The following FIRRM variants were observed in gnomAD, a reference collection of about 807,000 sequenced individuals.
FIRRM encodes FIGNL1 interacting regulator of recombination and mitosis, also known as FIGNL1-interacting regulator of recombination and mitosis.
At chr1:169,806,668 TC>T in the FIRRM span, among the ~76,000 whole-genome samples, 1 of 152,214 alleles carries the variant, frequency 6.6e-6, no homozygotes, top group African/African-American at 2.4e-5. Flanking sequence ...CAGTGTATTT[TC>T]AGGTCTTAGG....
the FIRRM span, chr1:169,807,914 A>G: frequency 6.2e-7 from 1 of 1,605,462 alleles, no homozygotes; most frequent in Non-Finnish European, 8.5e-7. Flanking sequence ...AGCAGATGAC[A>G]CAGTCAGATG....
the FIRRM span, among the ~76,000 whole-genome samples, chr1:169,801,181 G>T: frequency 1.3e-5 from 2 of 152,088 alleles, no homozygotes; most frequent in Non-Finnish European, 2.9e-5. Flanking sequence ...GGTGGCTCAT[G>T]CCTGTAATCC....
the FIRRM span, among the ~76,000 whole-genome samples, chr1:169,811,139 C>T: frequency 2.6e-5 from 4 of 152,126 alleles, no homozygotes; most frequent in South Asian, 2.1e-4. Context: ...GGATTACAGG[C>T]GTGAGCCACC....
chr1:169,796,389 C>G, the FIRRM span, among the ~76,000 whole-genome samples: 5 of 152,228 alleles, frequency 3.3e-5, no homozygotes, highest in Admixed American at 6.5e-5. Context: ...AGTTGAAAGT[C>G]AACATTCCCA....
the FIRRM span, among the ~76,000 whole-genome samples, chr1:169,811,776 A>ATAGATAATAGATTATCTAG: frequency 6.4e-3 from 916 of 142,622 alleles, 13 homozygotes; most frequent in Middle Eastern, 0.011. Flanking sequence ...AGATTATCTA[A>ATAGATAATAGATTATCTAG]ATAGATAATA....
chr1:169,832,344 C>A, the FIRRM span: 1 of 980,316 alleles, frequency 1.0e-6, no homozygotes, highest in Non-Finnish European at 1.6e-6. Context: ...AATATTTTGG[C>A]ATATTCTCTT....
chr1:169,799,938 C>A, the FIRRM span, among the ~76,000 whole-genome samples: 1 of 152,164 alleles, frequency 6.6e-6, no homozygotes, highest in Admixed American at 6.5e-5. Flanking sequence ...TAGCTCACTG[C>A]AGCCTGAACT....
the FIRRM span, chr1:169,803,442 C>A: frequency 1.1e-6 from 1 of 926,958 alleles, no homozygotes; most frequent in Non-Finnish European, 1.5e-6. Flanking sequence ...GAATAAAGAA[C>A]ATGTAAGTAA....
chr1:169,852,880 G>A, the FIRRM span: 1 of 1,614,148 alleles, frequency 6.2e-7, no homozygotes, highest in Non-Finnish European at 8.5e-7. Flanking sequence ...GGAAGCAACT[G>A]AGTCACTACT....
chr1:169,853,788 G>A, the FIRRM span: 26 of 1,613,342 alleles, frequency 1.6e-5, no homozygotes, highest in Admixed American at 3.2e-4. Flanking sequence ...ACAAAATAAA[G>A]CACACCAAGA....
At chr1:169,797,551 T>G in the FIRRM span, among the ~76,000 whole-genome samples, 1 of 152,190 alleles carries the variant, frequency 6.6e-6, no homozygotes, top group Non-Finnish European at 1.5e-5. Flanking sequence ...TATGGGTTTT[T>G]TTTTGTTTGT....
chr1:169,796,426 T>G, the FIRRM span, among the ~76,000 whole-genome samples: 1 of 152,240 alleles, frequency 6.6e-6, no homozygotes, highest in Non-Finnish European at 1.5e-5. Context: ...AAACGACATA[T>G]TCAAAAAAGC....
the FIRRM span, among the ~76,000 whole-genome samples, chr1:169,797,257 A>G: frequency 6.6e-6 from 1 of 152,180 alleles, no homozygotes; most frequent in Non-Finnish European, 1.5e-5. Flanking sequence ...ATTTTAACAA[A>G]TGAAAAATTT....
chr1:169,793,830 G>A, the FIRRM span: 3 of 678,836 alleles, frequency 4.4e-6, no homozygotes, highest in Non-Finnish European at 6.9e-6. Flanking sequence ...GCTTATACAT[G>A]GTAACAAATA....
chr1:169,833,347 C>T, the FIRRM span, among the ~76,000 whole-genome samples: 2 of 152,022 alleles, frequency 1.3e-5, no homozygotes, highest in East Asian at 1.9e-4. Context: ...TAAGTTCCTG[C>T]GTGAGTCAGA....
chr1:169,792,659 AC>A, the FIRRM span: 1 of 1,611,506 alleles, frequency 6.2e-7, no homozygotes, highest in Non-Finnish European at 8.5e-7. Context: ...GGTCTTAAAA[AC>A]ATCTCTTTCT....
the FIRRM span, among the ~76,000 whole-genome samples, chr1:169,794,207 C>CT: frequency 6.6e-6 from 1 of 152,224 alleles, no homozygotes; most frequent in Non-Finnish European, 1.5e-5. Flanking sequence ...TAGCTACTTG[C>CT]TGTCTTTCAG....
At chr1:169,799,219 C>T in the FIRRM span, among the ~76,000 whole-genome samples, 7 of 152,116 alleles carry the variant, frequency 4.6e-5, no homozygotes, top group East Asian at 1.9e-4. Flanking sequence ...AAATATTAAA[C>T]GTTAGTTGTT....
the FIRRM span, among the ~76,000 whole-genome samples, chr1:169,821,102 G>A: frequency 1.3e-5 from 2 of 152,132 alleles, no homozygotes; most frequent in African/African-American, 4.8e-5. Flanking sequence ...GTAAAAGAAA[G>A]TGCTTGTTAA....
Sources: allele counts gnomAD v4.1 joint callset (sites outside exome capture counted in the v4.1 genomes callset), GRCh38; gene constraint gnomAD v4.1.1; transcripts MANE v1.5; gene names NCBI Gene and HGNC (gene_info 2026-07-23, HGNC 2026-07-21).